KCTD10: variants seen among roughly 807,000 people sequenced by gnomAD.
KCTD10 encodes the protein potassium channel tetramerization domain containing 10, also known as BTB/POZ domain-containing adapter for CUL3-mediated RhoA degradation protein 3.
KCTD10 carries 13 observed loss-of-function variants against 34.6 expected under a neutral mutation model. That is an observed-to-expected ratio of 0.38 (90% CI 0.24 to 0.60). The LOEUF (loss-of-function observed/expected upper bound fraction) is 0.60. Among genes scored for constraint, KCTD10 ranks in the 20% least tolerant of loss-of-function variants. The pLI, the probability that KCTD10 is intolerant of heterozygous loss-of-function variation, is 0.66. For missense variants in KCTD10, 256 were observed against 420.3 expected (o/e 0.61, Z 3.42); for synonymous variants, 156 against 168.8 (o/e 0.92, Z 0.59).
At chr12:109,472,605 T>C (rs1873943291) in intron 1 of KCTD10, among the ~76,000 whole-genome samples, 1 of 152,204 alleles carries the variant, frequency 6.6e-6, no homozygotes, top group African/African-American at 2.4e-5. Flanking sequence ...ATTACTATTA[T>C]CGACTATTAT....
At position 109,450,521 on chromosome 12, in the gene KCTD10, A is replaced by T. The variant is rs1248455757; in HGVS notation, c.*1074T>A. 2.5e-6 allele frequency: 1 copy of T among 397,274 alleles called. No homozygotes were observed. The highest frequency in any genetic ancestry group is 4.4e-6 in the Non-Finnish European group (1 of 225,702). 24.6% of individuals were successfully genotyped at this position (397,274 alleles called of 1,614,324 possible). A position where few individuals can be genotyped will look rare whatever the true frequency, so the allele number is the denominator to read the frequency against. ...CACTGTGTAAAAATCAGAGGCAAAG[A>T]CAAGGGGGTCTGTGTTTATAGCAGG... On this transcript the variant is annotated 3_prime_UTR_variant, in exon 7 of 7. Transcript: ENST00000228495.
rs1406278437 is a variant in KCTD10 at position 109,466,672 on chromosome 12, C to G, written c.217+2843G>C. Among the ~76,000 whole-genome samples, 4 of 152,322 alleles carry G rather than the reference C, an allele frequency of 2.6e-5. No individual in the cohort carries two copies. In the East Asian group the frequency reaches 7.7e-4, roughly 29 times the overall value. ...CAGAGCAAAAAGGAGACTATTCCCCCCATGCTGGATGCCAGGTCCCCTCTC... is the reference window on the plus strand; with the variant it reads ...CAGAGCAAAAAGGAGACTATTCCCCGCATGCTGGATGCCAGGTCCCCTCTC... On this transcript the variant is annotated intron_variant, in intron 2 of 6. Coordinates refer to ENST00000228495, the MANE Select transcript of KCTD10 (RefSeq NM_031954.5).
chr12:109,456,039 A>G (rs1371557739), intron 6 of KCTD10, 79 bp downstream of exon 6: 1 of 1,333,120 alleles, frequency 7.5e-7, no homozygotes, highest in African/African-American at 1.5e-5. Context: ...TTCCCTCTGT[A>G]TTGGGCTCAA....
At chr12:109,462,460 A>C (rs1873386706) in intron 2 of KCTD10, among the ~76,000 whole-genome samples, 1 of 152,268 alleles carries the variant, frequency 6.6e-6, no homozygotes, top group African/African-American at 2.4e-5. Flanking sequence ...AGGCCTTCCC[A>C]GGCATGGTAA....
rs1872684090 is a variant in KCTD10, at chr12:109,450,008, T to C, written c.*1587A>G. The C allele has an allele frequency of 5.8e-6, 2 of 347,636 alleles. No individual in the cohort carries two copies. Among genetic ancestry groups the C allele is most frequent in the Non-Finnish European group, 1.0e-5 (2 of 194,020 alleles). 21.5% of individuals were successfully genotyped at this position (347,636 alleles called of 1,614,324 possible). A position where few individuals can be genotyped will look rare whatever the true frequency, so the allele number is the denominator to read the frequency against. ...AAAGTTTTATTGTAGACTTTGCTGT[T>C]GGATACAAAATGAAGGCATACAACT... On this transcript the variant is annotated 3_prime_UTR_variant, in exon 7 of 7. Transcript: ENST00000228495.
At position 109,456,234 on chromosome 12, in the gene KCTD10, T is replaced by G. The variant is rs747252985; in HGVS notation, c.607A>C (p.Ile203Leu). The G allele has an allele frequency of 6.2e-7, 1 of 1,614,230 alleles. No individual in the cohort carries two copies. Among genetic ancestry groups the G allele is most frequent in the Non-Finnish European group, 8.5e-7 (1 of 1,180,038 alleles). ...SLRFNGRVLF[I>L]KDVIGDEICC... The stretch of plus-strand genomic sequence containing the variant: ...ATTTCATCCCCAATAACATCCTTTA[T>G]GAACAGGACCCTTCCGTTAAAGCGC... Residue 203 changes from isoleucine (I) to leucine (L), a missense_variant, in exon 6 of 7, where the codon ATA (isoleucine) becomes CTA (leucine). Ile to Leu is a conservative substitution (Grantham distance 5, BLOSUM62 2). Transcript: ENST00000228495.
intron 3 of KCTD10, chr12:109,459,542 C>T (rs1484945284): frequency 6.6e-6 from 1 of 152,246 alleles, no homozygotes; most frequent in Non-Finnish European, 1.5e-5. Context: ...TCACTGTACA[C>T]TCTGTGGCTT....
In KCTD10 at chr12:109,458,167, G is replaced by T; in HGVS notation, c.388-89C>A. 6.2e-6 allele frequency: 6 copies of T among 960,168 alleles called. No individual in the cohort carries two copies. In the South Asian group the frequency reaches 8.0e-5, roughly 13 times the overall value. The allele number at this position is 960,168 out of a possible 1,614,324, so 59.5% of individuals were successfully genotyped here. A position where few individuals can be genotyped will look rare whatever the true frequency, so the allele number is the denominator to read the frequency against. ...CCGGCTGGACAGGCTCTGGCGAGGG[G>T]AGATGGGGCAGTCATGGCTGGGAAG... On this transcript the variant is annotated intron_variant, in intron 3 of 6. Coordinates refer to ENST00000228495, the MANE Select transcript of KCTD10 (RefSeq NM_031954.5).
Position 109,469,625 on chromosome 12 carries a change from A to G in KCTD10, c.107T>C (p.Leu36Pro). 1 of 1,614,196 alleles carries G rather than the reference A, an allele frequency of 6.2e-7. No homozygotes were observed. Among genetic ancestry groups the G allele is most frequent in the Non-Finnish European group, 8.5e-7 (1 of 1,180,028 alleles). ...ATAGTAGAGGGCTCCACCCACATTC[A>G]GCTTCACGTATTTGGAGCTGGGGCT... Reference protein sequence around the residue: ...GTSPSSKYVKLNVGGALYYTT... With the variant: ...GTSPSSKYVKPNVGGALYYTT... Residue 36 changes from leucine to proline, a missense_variant, in exon 2 of 7, where the codon CTG (leucine) becomes CCG (proline). Physicochemically the swap from Leu to Pro is moderately conservative, Grantham distance 98 (BLOSUM62 -3). Around this residue, in one of 3 missense-constraint regions of KCTD10, gnomAD observed 155 missense variants for 207.0 expected, o/e 0.75. Transcript: ENST00000228495.
intron 1 of KCTD10, among the ~76,000 whole-genome samples, chr12:109,475,422 A>G (rs1874116922): frequency 6.6e-6 from 1 of 152,172 alleles, no homozygotes; most frequent in Non-Finnish European, 1.5e-5. Context: ...GGCTTTAGTG[A>G]GCCAAGATAA....
chr12:109,465,755 G>A (rs1275792810), intron 2 of KCTD10, among the ~76,000 whole-genome samples: 1 of 152,200 alleles, frequency 6.6e-6, no homozygotes, highest in East Asian at 1.9e-4. Flanking sequence ...TGTCATGGAA[G>A]GCAGAAGGGC....
Position 109,450,337 on chromosome 12 carries a change from G to A in KCTD10, c.*1258C>T. The A allele has an allele frequency of 2.7e-6, 1 of 366,060 alleles. No homozygotes were observed. The highest frequency in any genetic ancestry group is 4.7e-6 in the Non-Finnish European group (1 of 213,080). The allele number at this position is 366,060 out of a possible 1,614,324, so 22.7% of individuals were successfully genotyped here. The stretch of plus-strand genomic sequence containing the variant: ...CCGTCCTACATAGGCGCTGCGCCCA[G>A]CCGGGCTCCAGCAGGGGCCGCCACC... On this transcript the variant is annotated 3_prime_UTR_variant, in exon 7 of 7. Transcript: ENST00000228495.
At chr12:109,467,299 G>A (rs923512991) in intron 2 of KCTD10, among the ~76,000 whole-genome samples, 1 of 152,194 alleles carries the variant, frequency 6.6e-6, no homozygotes, top group African/African-American at 2.4e-5. Context: ...TCCACCCCTC[G>A]AAGGGTTATG....
intron 2 of KCTD10, among the ~76,000 whole-genome samples, chr12:109,464,434 T>C (rs1052387062): frequency 2.0e-5 from 3 of 152,230 alleles, no homozygotes; most frequent in African/African-American, 7.2e-5. Context: ...AAAATGTCTC[T>C]GGACATTGCT....
At chr12:109,470,543 G>A in intron 1 of KCTD10, 2 of 985,436 alleles carry the variant, frequency 2.0e-6, no homozygotes, top group Non-Finnish European at 2.4e-6. Flanking sequence ...TGTCTGAAAT[G>A]AACAGGTAAA....
chr12:109,452,399 G>C (rs192115395), intron 6 of KCTD10, among the ~76,000 whole-genome samples: 2 of 152,350 alleles, frequency 1.3e-5, no homozygotes, highest in Admixed American at 6.5e-5. Flanking sequence ...ATGGGCATGA[G>C]CCCTTCTGCT....
chr12:109,470,221 AT>A (rs1873818976), intron 1 of KCTD10: 3 of 986,162 alleles, frequency 3.0e-6, no homozygotes, highest in Non-Finnish European at 3.6e-6. Flanking sequence ...GCTAAGTGTC[AT>A]TTTTCAGCTG....
At chr12:109,458,321 AT>A (rs1220850872) in intron 3 of KCTD10, 2 of 451,928 alleles carry the variant, frequency 4.4e-6, no homozygotes, top group African/African-American at 4.0e-5. Flanking sequence ...ATGATGACAC[AT>A]TTTCCACAGC....
Position 109,469,533 on chromosome 12 carries a change from C to A in KCTD10, c.199G>T (p.Val67Leu). The change falls in exon 2 of 7, where the codon GTG (valine) becomes TTG (leucine). Residue 67 changes from valine to leucine, a missense_variant. Coordinates refer to ENST00000228495, the MANE Select transcript of KCTD10 (RefSeq NM_031954.5). ...LKAMFSGRME[V>L]LTDSEGWILI... ...AGCTTACCTTCACTGTCGGTGAGCA[C>A]TTCCATGCGCCCGCTGAACATGGCC... 2.5e-6 allele frequency: 4 copies of A among 1,614,156 alleles called. No individual in the cohort carries two copies. Among genetic ancestry groups the A allele is most frequent in the Non-Finnish European group, 3.4e-6 (4 of 1,179,998 alleles).
Sources: gnomAD v4.1 joint callset for allele counts (sites outside exome capture counted in the v4.1 genomes callset) on GRCh38, gnomAD v4.1.1 for gene constraint, gnomAD v4.1.1 regional missense constraint, MANE v1.5 for transcripts, NCBI Gene and HGNC (gene_info 2026-07-23, HGNC 2026-07-21) for gene names.